NCKAP5L: variants seen among roughly 807,000 people sequenced by gnomAD.
NCKAP5L encodes NCK associated protein 5 like.
NCKAP5L carries 54 observed loss-of-function variants against 103.2 expected under a neutral mutation model. That is an observed-to-expected ratio of 0.52 (90% CI 0.42 to 0.66). The LOEUF is 0.66. Ranked by LOEUF, NCKAP5L falls within the 30% of genes least tolerant of loss-of-function variation. The pLI is 0.00. For missense variants in NCKAP5L, 1,733 were observed against 1,750.6 expected (o/e 0.99, Z 0.18); for synonymous variants, 762 against 748.6 (o/e 1.02, Z -0.29).
At chr12:49,827,360 C>T (rs933848489) in intron 1 of NCKAP5L, among the ~76,000 whole-genome samples, 3 of 152,182 alleles carry the variant, frequency 2.0e-5, no homozygotes, top group Admixed American at 1.3e-4. Context: ...GCAAGGCAGG[C>T]CTTTAAGAAG....
intron 3 of NCKAP5L, 121 bp downstream of exon 3, chr12:49,803,801 A>G: frequency 1.5e-6 from 2 of 1,312,218 alleles, no homozygotes; most frequent in Non-Finnish European, 2.1e-6. Flanking sequence ...TGCCTGGCAA[A>G]GCAGGCCGAG....
chr12:49,794,539 C>T (rs1346739712), intron 8 of NCKAP5L, among the ~76,000 whole-genome samples: 1 of 152,062 alleles, frequency 6.6e-6, no homozygotes, highest in Non-Finnish European at 1.5e-5. Context: ...GGACTGTTAA[C>T]TCTTCTCAAA....
In NCKAP5L at chr12:49,792,632, C is replaced by T. The variant is rs765170415; in HGVS notation, c.3650-44G>A. On this transcript the variant is annotated intron_variant, in intron 11 of 12. Transcript: ENST00000335999. The surrounding 1 kb of genome is among the most constrained non-coding windows in gnomAD (Gnocchi z 4.5). ...AAGGTGGATGGAGCTGCCTGGGCAGCTCCAGGATGCCCAGGGGCATCCCAC... is the reference window on the plus strand; with the variant it reads ...AAGGTGGATGGAGCTGCCTGGGCAGTTCCAGGATGCCCAGGGGCATCCCAC... 28 of 1,613,546 alleles carry T rather than the reference C, an allele frequency of 1.7e-5. No individual in the cohort carries two copies. The highest frequency in any genetic ancestry group is 2.2e-5 in the Non-Finnish European group (26 of 1,179,674).
chr12:49,796,686 C>A lies in NCKAP5L; in HGVS notation c.1174G>T (p.Gly392Cys). 1.3e-6 allele frequency: 2 copies of A among 1,591,530 alleles called. No homozygotes were observed. The highest frequency in any genetic ancestry group is 1.8e-5 in the Admixed American group (1 of 56,090). ...GGGTPEAHRPGFGATSEGQGP... is the reference protein window; with the variant it reads ...GGGTPEAHRPCFGATSEGQGP... Reference sequence around the variant, plus strand: ...TGGCCCTCTGAGGTAGCACCGAAGCCTGGCCTGTGGGCCTCTGGGGTACCC... The same window carrying A: ...TGGCCCTCTGAGGTAGCACCGAAGCATGGCCTGTGGGCCTCTGGGGTACCC... The change falls in exon 8 of 13, where the codon GGC becomes TGC. Residue 392 changes from glycine to cysteine, a missense_variant. Transcript: ENST00000335999.
Position 49,791,244 on chromosome 12 carries a change from CG to C in NCKAP5L, c.*594del, listed in dbSNP as rs1945929572. 6.5e-6 allele frequency: 1 copy of C among 153,104 alleles called. No homozygotes were observed. The highest frequency in any genetic ancestry group is 2.4e-5 in the African/African-American group (1 of 41,460). The allele number at this position is 153,104 out of a possible 1,614,324, so 9.5% of individuals were successfully genotyped here. A position where few individuals can be genotyped will look rare whatever the true frequency, so the allele number is the denominator to read the frequency against. On this transcript the variant is annotated 3_prime_UTR_variant, in exon 13 of 13. Transcript: ENST00000335999. ...AACAACACATAAATTAACCGCAGTG[CG>C]GGGCTGGGGGCTGGGGGCTGGGCCA...
chr12:49,821,086 C>A (rs1946356686), intron 1 of NCKAP5L, among the ~76,000 whole-genome samples: 2 of 152,128 alleles, frequency 1.3e-5, no homozygotes, highest in Non-Finnish European at 2.9e-5. Flanking sequence ...CAGGGATAAG[C>A]TGCTGGCTTT....
At chr12:49,800,974 G>A (rs1946111918) in intron 6 of NCKAP5L, among the ~76,000 whole-genome samples, 1 of 152,222 alleles carries the variant, frequency 6.6e-6, no homozygotes, top group Non-Finnish European at 1.5e-5. Flanking sequence ...GAACTGCAGA[G>A]TCACTGCTGT....
chr12:49,812,073 C>G (rs917229201), intron 1 of NCKAP5L, among the ~76,000 whole-genome samples: 1 of 152,158 alleles, frequency 6.6e-6, no homozygotes, highest in Non-Finnish European at 1.5e-5. Context: ...ACAATTCACC[C>G]ACTGAAAGTG....
In NCKAP5L at chr12:49,797,455, C is replaced by T; in HGVS notation, c.466-61G>A. Reference sequence around the variant, plus strand: ...CACACAGCTGGGATCCAGTTCCAGGCCCAGGCCCTGGGCTGGCTTAACAGG... The same window carrying T: ...CACACAGCTGGGATCCAGTTCCAGGTCCAGGCCCTGGGCTGGCTTAACAGG... On this transcript the variant is annotated intron_variant, in intron 7 of 12. Transcript: ENST00000335999. This position sits in a 1 kb window ranked among gnomAD's most constrained non-coding sequence, Gnocchi z 4.5. 7.6e-7 allele frequency: 1 copy of T among 1,317,908 alleles called. No individual in the cohort carries two copies. Among genetic ancestry groups the T allele is most frequent in the Non-Finnish European group, 1.0e-6 (1 of 960,772 alleles). The allele number at this position is 1,317,908 out of a possible 1,614,324, so 81.6% of individuals were successfully genotyped here.
At chr12:49,803,896 T>G (rs751786576) in intron 3 of NCKAP5L, 26 bp downstream of exon 3, 1 of 1,599,894 alleles carries the variant, frequency 6.3e-7, no homozygotes, top group Non-Finnish European at 8.5e-7. Context: ...CTGGCACTGC[T>G]GCCCCTACCA....
In NCKAP5L at chr12:49,797,320, T is replaced by C; in HGVS notation, c.540A>G (p.Leu180=). 1 of 1,612,946 alleles carries C rather than the reference T, an allele frequency of 6.2e-7. No individual in the cohort carries two copies. The highest frequency in any genetic ancestry group is 1.1e-5 in the South Asian group (1 of 91,046). The part of the protein sequence containing the change: ...PAAPPPALDA[L]SPFLRKKAQI... ...GGGCCTTCTTCCGAAGGAACGGGGATAGGGCATCCAGCGCTGGGGGTGGGG... is the reference window on the plus strand; with the variant it reads ...GGGCCTTCTTCCGAAGGAACGGGGACAGGGCATCCAGCGCTGGGGGTGGGG... The change falls in exon 8 of 13, where the codon CTA becomes CTG. Residue 180 remains leucine (L), a synonymous_variant. Transcript: ENST00000335999. This position sits in a 1 kb window ranked among gnomAD's most constrained non-coding sequence, Gnocchi z 4.5.
At chr12:49,807,736 C>A (rs371630452) in intron 1 of NCKAP5L, among the ~76,000 whole-genome samples, 213 of 152,282 alleles carry the variant, frequency 1.4e-3, no homozygotes, top group African/African-American at 4.4e-3. Context: ...CCAGTGCCAC[C>A]CTCACCCACA....
At chr12:49,807,358 A>G (rs1946192191) in intron 1 of NCKAP5L, among the ~76,000 whole-genome samples, 1 of 152,162 alleles carries the variant, frequency 6.6e-6, no homozygotes, top group Non-Finnish European at 1.5e-5. Flanking sequence ...TTTTTTAAAG[A>G]GACAGGGTCT....
rs754111750 is a variant in NCKAP5L at position 49,792,726 on chromosome 12, G to A, written c.3601C>T (p.Leu1201=). ...CGGTGGCCCGGAGCAGCGGGTAGCA[G>A]TGCAGGGAAGGCTGGCATGCTGGGG... ...RHPSMPAFPA[L]LPAAPGHRGH... Residue 1201 remains leucine (L), a synonymous_variant, in exon 11 of 13, where the codon CTG becomes TTG. Transcript: ENST00000335999. This position sits in a 1 kb window ranked among gnomAD's most constrained non-coding sequence, Gnocchi z 4.5. The A allele has an allele frequency of 1.2e-6, 2 of 1,610,714 alleles. No homozygotes were observed. Among genetic ancestry groups the A allele is most frequent in the African/African-American group, 1.3e-5 (1 of 74,868 alleles).
In NCKAP5L at chr12:49,821,663, C is replaced by T. The variant is rs117835561; in HGVS notation, c.-99+6659G>A. 2.8e-3 allele frequency among the ~76,000 whole-genome samples: 424 copies of T among 152,352 alleles called. 1 individual carries two copies. Among genetic ancestry groups the T allele is most frequent in the Non-Finnish European group, 4.9e-3 (335 of 68,036 alleles). ...TAGCACATGTCCTTTCTTTGCAACC[C>T]TTATCACAGCTATAATTATAAAACT... On this transcript the variant is annotated intron_variant, in intron 1 of 12. Coordinates refer to ENST00000335999, the MANE Select transcript of NCKAP5L (RefSeq NM_001037806.4).
chr12:49,810,500 G>C (rs1183083207), intron 1 of NCKAP5L, among the ~76,000 whole-genome samples: 2 of 152,138 alleles, frequency 1.3e-5, no homozygotes, highest in Non-Finnish European at 2.9e-5. Context: ...GTGGGGCCTA[G>C]GCACCCTGTG....
At position 49,792,008 on chromosome 12, in the gene NCKAP5L, G is replaced by A. The variant is rs748188636; in HGVS notation, c.3836C>T (p.Pro1279Leu). Residue 1279 changes from proline (P) to leucine (L), a missense_variant, in exon 13 of 13, where the codon CCG becomes CTG. By Grantham distance (98) the Pro-to-Leu change is moderately conservative. Transcript: ENST00000335999. This position sits in a 1 kb window ranked among gnomAD's most constrained non-coding sequence, Gnocchi z 4.5. ...DRKRSQEPSR[P>L]SPTPQGPPFG... ...AGGTGGGCCCTGGGGCGTAGGGGACGGGCGGCTGGGCTCCTGGCTTCGCTT... is the reference window on the plus strand; with the variant it reads ...AGGTGGGCCCTGGGGCGTAGGGGACAGGCGGCTGGGCTCCTGGCTTCGCTT... 1.1e-5 allele frequency: 17 copies of A among 1,575,152 alleles called. No individual in the cohort carries two copies. The highest frequency in any genetic ancestry group is 3.5e-5 in the South Asian group (3 of 86,408).
rs937703243 is a variant in NCKAP5L, at chr12:49,792,831, G to A, written c.3496C>T (p.Leu1166Phe). The change falls in exon 11 of 13, where the codon CTT becomes TTT. Residue 1166 changes from leucine (L) to phenylalanine (F), a missense_variant. Physicochemically the swap from Leu to Phe is conservative, Grantham distance 22. Coordinates refer to ENST00000335999, the MANE Select transcript of NCKAP5L (RefSeq NM_001037806.4). This position sits in a 1 kb window ranked among gnomAD's most constrained non-coding sequence, Gnocchi z 4.5. ...TGGGCGCGGCGGGGGACTTTGGTAA[G>A]GGGTGGGGGCCGAGCTGGGGGTACC... ...PGVPPARPPP[L>F]TKVPRRAHTL... The A allele has an allele frequency of 6.3e-6, 10 of 1,580,028 alleles. No homozygotes were observed. The highest frequency in any genetic ancestry group is 7.7e-6 in the Non-Finnish European group (9 of 1,167,230).
rs530385680 is a variant in NCKAP5L, at chr12:49,793,289, A to G, written c.3340+63T>C. On this transcript the variant is annotated intron_variant, in intron 10 of 12. Coordinates refer to ENST00000335999, the MANE Select transcript of NCKAP5L (RefSeq NM_001037806.4). ...CCTGCTGCGGGGACGGGAAGAAGTA[A>G]AGTGGGAAGAAGTGGGTAGGGGGGT... is the stretch of plus-strand genomic sequence containing the variant. The G allele has an allele frequency of 5.8e-5, 87 of 1,497,948 alleles. 1 individual carries two copies. In the East Asian group the frequency reaches 1.4e-3, roughly 24 times the overall value. The allele number at this position is 1,497,948 out of a possible 1,614,324, so 92.8% of individuals were successfully genotyped here.
Sources: allele counts gnomAD v4.1 joint callset (sites outside exome capture counted in the v4.1 genomes callset), GRCh38; gene constraint gnomAD v4.1.1; non-coding constraint Gnocchi (gnomAD v3.1); transcripts MANE v1.5; gene names NCBI Gene and HGNC (gene_info 2026-07-23, HGNC 2026-07-21).